GRID1: variants seen among roughly 807,000 people sequenced by gnomAD.
The protein encoded by GRID1 is glutamate receptor ionotropic, delta-1.
Under a neutral mutation model 98.0 loss-of-function variants are expected in GRID1, and 28 were observed. The ratio of observed to expected loss-of-function variants is 0.29; its 90% CI spans 0.21 to 0.39. The LOEUF is 0.39. GRID1 is among the 10% of genes least tolerant of loss of function. The pLI, the probability that GRID1 is intolerant of heterozygous loss-of-function variation, is 1.00. For missense variants in GRID1, 1,111 were observed against 1,340.5 expected (o/e 0.83, Z 2.67); for synonymous variants, 553 against 538.5 (o/e 1.03, Z -0.37).
chr10:86,236,214 C>A (rs893091097), intron 2 of GRID1, among the ~76,000 whole-genome samples: 2 of 152,166 alleles, frequency 1.3e-5, no homozygotes, highest in Non-Finnish European at 1.5e-5. Context: ...CTATACAAAT[C>A]TTTTGCCCAT....
intron 2 of GRID1, among the ~76,000 whole-genome samples, chr10:86,327,115 G>A (rs1848061891): frequency 1.3e-5 from 2 of 152,156 alleles, no homozygotes; most frequent in Admixed American, 1.3e-4. Context: ...CAGCCTGGGC[G>A]ACAGAGCAAC....
intron 8 of GRID1, among the ~76,000 whole-genome samples, chr10:85,769,955 C>A (rs1842240411): frequency 1.3e-5 from 2 of 152,212 alleles, no homozygotes; most frequent in Non-Finnish European, 2.9e-5. Context: ...CCCTGTCTGA[C>A]AGCTTTGAAG....
In GRID1 at chr10:86,289,025, T is replaced by C. The variant is rs550983860; in HGVS notation, c.235+74916A>G. Reference sequence around the variant, plus strand: ...AAAATATGTGTAGACACCACTGTTCTGCCTCCCATGCCTCTTCTCCCACTG... The same window carrying C: ...AAAATATGTGTAGACACCACTGTTCCGCCTCCCATGCCTCTTCTCCCACTG... On this transcript the variant is annotated intron_variant, in intron 2 of 15. Coordinates refer to ENST00000327946, the MANE Select transcript of GRID1 (RefSeq NM_017551.3). Among the ~76,000 whole-genome samples the C allele has an allele frequency of 3.9e-5, 6 of 152,308 alleles. No individual in the cohort carries two copies. The East Asian group carries it at 1.2e-3, about 29-fold the overall frequency.
chr10:85,854,596 G>C lies in GRID1; in HGVS notation c.1133C>G (p.Thr378Ser), dbSNP rs549794010. 6.2e-7 allele frequency: 1 copy of C among 1,614,042 alleles called. No homozygotes were observed. Among genetic ancestry groups the C allele is most frequent in the East Asian group, 2.2e-5 (1 of 44,872 alleles). ...TIKKGHITGL[T>S]GVMEFREDSS... ...GTCCTCCCGAAACTCCATCACCCCA[G>C]TGAGGCCAGTGATGTGGCCCTGCAG... The change falls in exon 8 of 16, where the codon ACT becomes AGT. Residue 378 changes from threonine (T) to serine (S), a missense_variant. Around this residue, in one of 3 missense-constraint regions of GRID1, gnomAD observed 762 missense variants for 869.1 expected, o/e 0.88. Coordinates refer to ENST00000327946, the MANE Select transcript of GRID1 (RefSeq NM_017551.3).
At chr10:85,640,250 T>C (rs1462079055) in intron 13 of GRID1, among the ~76,000 whole-genome samples, 2 of 152,150 alleles carry the variant, frequency 1.3e-5, no homozygotes, top group African/African-American at 2.4e-5. Flanking sequence ...ACAAAAGATA[T>C]AGAGATGAAT....
intron 2 of GRID1, among the ~76,000 whole-genome samples, chr10:86,230,181 C>T (rs913280357): frequency 6.6e-6 from 1 of 152,262 alleles, no homozygotes; most frequent in Non-Finnish European, 1.5e-5. Context: ...AACCTGGCTT[C>T]AGGCCCTGCC....
chr10:85,823,889 T>C (rs1250141419), intron 8 of GRID1, among the ~76,000 whole-genome samples: 2 of 132,714 alleles, frequency 1.5e-5, no homozygotes, highest in African/African-American at 6.1e-5. Flanking sequence ...CATCAATGAG[T>C]GCTGGAAAAA....
At position 85,790,221 on chromosome 10, in the gene GRID1, G is replaced by A. The variant is rs568265328; in HGVS notation, c.1234-60607C>T. Among the ~76,000 whole-genome samples, 84 of 152,272 alleles carry A rather than the reference G, an allele frequency of 5.5e-4. 1 individual carries two copies. The South Asian group carries it at 0.015, about 27-fold the overall frequency. ...GGAGGACAAGGCTGTGTTTCCCTTC[G>A]TCCCCTGTCATTCCCCAGCACCTGA... On this transcript the variant is annotated intron_variant, in intron 8 of 15. Transcript: ENST00000327946.
chr10:85,848,124 T>G lies in GRID1; in HGVS notation c.1233+6372A>C, dbSNP rs78111640. ...GCCAAACTAGCAAAAATGTTTAATA[T>G]ATATCAACCATATTTTTTAGCATGT... On this transcript the variant is annotated intron_variant, in intron 8 of 15. Coordinates refer to ENST00000327946, the MANE Select transcript of GRID1 (RefSeq NM_017551.3). 2.4e-3 allele frequency among the ~76,000 whole-genome samples: 358 copies of G among 152,264 alleles called. 1 individual carries two copies. Among genetic ancestry groups the G allele is most frequent in the African/African-American group, 7.9e-3 (327 of 41,578 alleles).
At chr10:86,237,311 G>A (rs2446018) in intron 2 of GRID1, among the ~76,000 whole-genome samples, 135,886 of 152,178 alleles carry the variant, frequency 0.89, 61,222 homozygotes, top group African/African-American at 0.92. Context: ...TTGGACGGGG[G>A]GCCTGGTGGG....
At chr10:86,069,928 T>C (rs889467562) in intron 4 of GRID1, among the ~76,000 whole-genome samples, 1 of 152,058 alleles carries the variant, frequency 6.6e-6, no homozygotes, top group South Asian at 2.1e-4. Context: ...GGCCACTCAC[T>C]CTTGGCCATG....
chr10:86,359,765 T>C (rs1020716506), intron 2 of GRID1, among the ~76,000 whole-genome samples: 3 of 152,254 alleles, frequency 2.0e-5, no homozygotes, highest in African/African-American at 4.8e-5. Flanking sequence ...ATTATATGCA[T>C]TTATATAAAC....
chr10:86,286,870 C>T (rs751832535), intron 2 of GRID1, among the ~76,000 whole-genome samples: 3 of 152,340 alleles, frequency 2.0e-5, no homozygotes, highest in Admixed American at 2.0e-4. Context: ...GAGCAGAAAT[C>T]AGGGCCCTCA....
At chr10:85,611,099 C>T (rs1036584099) in intron 15 of GRID1, among the ~76,000 whole-genome samples, 2 of 152,182 alleles carry the variant, frequency 1.3e-5, no homozygotes, top group Admixed American at 6.5e-5. Flanking sequence ...CTGTTCCTCA[C>T]AGCTAGGTTA....
intron 4 of GRID1, among the ~76,000 whole-genome samples, chr10:86,138,061 G>A (rs901437979): frequency 1.3e-5 from 2 of 151,986 alleles, no homozygotes; most frequent in Non-Finnish European, 2.9e-5. Flanking sequence ...CTGCTCCCAG[G>A]CATACCACAT....
chr10:85,734,787 T>C (rs1318086355), intron 8 of GRID1, among the ~76,000 whole-genome samples: 2 of 152,136 alleles, frequency 1.3e-5, no homozygotes, highest in Non-Finnish European at 2.9e-5. Flanking sequence ...TCATTACTGG[T>C]CAAGGCCATC....
chr10:86,081,073 G>C (rs1052524427), intron 4 of GRID1, among the ~76,000 whole-genome samples: 6 of 152,288 alleles, frequency 3.9e-5, no homozygotes, highest in African/African-American at 1.4e-4. Context: ...GCTGCAGAGG[G>C]GTTCCTGAGA....
chr10:86,249,692 C>T (rs1462886520), intron 2 of GRID1, among the ~76,000 whole-genome samples: 1 of 152,204 alleles, frequency 6.6e-6, no homozygotes, highest in Non-Finnish European at 1.5e-5. Flanking sequence ...CCTGAAACTC[C>T]TCTCCCTCAA....
chr10:85,939,460 G>A (rs1398149192), intron 4 of GRID1, among the ~76,000 whole-genome samples: 1 of 152,144 alleles, frequency 6.6e-6, no homozygotes, highest in Non-Finnish European at 1.5e-5. Context: ...TTCCTGTCTA[G>A]AGGCCCTAGG....
Sources: gnomAD v4.1 joint callset for allele counts (sites outside exome capture counted in the v4.1 genomes callset) on GRCh38, gnomAD v4.1.1 for gene constraint, gnomAD v4.1.1 regional missense constraint, MANE v1.5 for transcripts, NCBI Gene and HGNC (gene_info 2026-07-23, HGNC 2026-07-21) for gene names.